The following CHRM3 variants were observed in gnomAD, a reference collection of about 807,000 sequenced individuals.
The protein encoded by CHRM3 is cholinergic receptor muscarinic 3, also known as muscarinic acetylcholine receptor M3.
A neutral mutation model predicts 41.8 loss-of-function variants in CHRM3; 11 were observed. The ratio of observed to expected loss-of-function variants is 0.26; its 90% CI spans 0.17 to 0.44. The LOEUF (loss-of-function observed/expected upper bound fraction) is 0.44. Among genes scored for constraint, CHRM3 ranks in the 20% least tolerant of loss-of-function variants. The pLI, the probability that CHRM3 is intolerant of heterozygous loss-of-function variation, is 1.00. For missense variants in CHRM3, 571 were observed against 745.4 expected, an observed-to-expected ratio of 0.77 and a Z score of 2.72; for synonymous variants, 297 against 301.4, an observed-to-expected ratio of 0.99 and a Z score of 0.15.
chr1:239,561,764 A>G (rs1660886021), intron 3 of CHRM3, among the ~76,000 whole-genome samples: 1 of 152,166 alleles, frequency 6.6e-6, no homozygotes, highest in African/African-American at 2.4e-5. Flanking sequence ...AAAAGTAGAG[A>G]AAATACCTGG....
chr1:239,548,932 T>C (rs1659543899), intron 3 of CHRM3, among the ~76,000 whole-genome samples: 1 of 152,226 alleles, frequency 6.6e-6, no homozygotes, highest in Admixed American at 6.5e-5. Flanking sequence ...AAGACATACC[T>C]GAGACTGGGC....
intron 5 of CHRM3, among the ~76,000 whole-genome samples, chr1:239,781,065 T>A (rs1363894045): frequency 6.6e-6 from 1 of 152,202 alleles, no homozygotes; most frequent in Non-Finnish European, 1.5e-5. Flanking sequence ...TTGTTGTCCT[T>A]TAATATTGTA....
chr1:239,850,203 C>A (rs974222975), intron 6 of CHRM3, among the ~76,000 whole-genome samples: 1 of 151,858 alleles, frequency 6.6e-6, no homozygotes, highest in Non-Finnish European at 1.5e-5. Flanking sequence ...ATTCTTACAA[C>A]AAAGTAAGCT....
chr1:239,908,471 T>C lies in CHRM3; in HGVS notation c.1020T>C (p.Asn340=). 6.2e-7 allele frequency: 1 copy of C among 1,611,640 alleles called. No individual in the cohort carries two copies. The highest frequency in any genetic ancestry group is 8.5e-7 in the Non-Finnish European group (1 of 1,178,782). The stretch of plus-strand genomic sequence containing the variant: ...GCAGCAGTGACAGTTGGAACAACAA[T>C]GATGCTGCTGCCTCCCTGGAGAACT... The part of the protein sequence containing the change: ...DHSSSDSWNN[N]DAAASLENSA... Residue 340 remains asparagine (N), a synonymous_variant, in exon 7 of 7, where the codon AAT becomes AAC. Coordinates refer to ENST00000676153, the MANE Select transcript of CHRM3 (RefSeq NM_001375978.1). This position sits in a 1 kb window ranked among gnomAD's most constrained non-coding sequence, Gnocchi z 7.2.
At chr1:239,817,959 G>C (rs1671732153) in intron 5 of CHRM3, among the ~76,000 whole-genome samples, 1 of 152,114 alleles carries the variant, frequency 6.6e-6, no homozygotes, top group African/African-American at 2.4e-5. Context: ...TTACCCACAG[G>C]CTTTGAGAAT....
intron 6 of CHRM3, among the ~76,000 whole-genome samples, chr1:239,862,967 A>G (rs572326760): frequency 6.6e-6 from 1 of 152,210 alleles, no homozygotes; most frequent in African/African-American, 2.4e-5. Context: ...TAACCTTTGT[A>G]TCATTAATGT....
At position 239,396,158 on chromosome 1, in the gene CHRM3, A is replaced by T. The variant is rs111994300; in HGVS notation, c.-521+8931A>T. 7.6e-3 allele frequency among the ~76,000 whole-genome samples: 1,160 copies of T among 152,282 alleles called. 11 individuals carry two copies. Among genetic ancestry groups the T allele is most frequent in the African/African-American group, 0.027 (1,120 of 41,556 alleles). ...ATTCATCTTCTGTTACTCTATCAGA[A>T]TCTCACTTTTATCCCTGATTACATT... On this transcript the variant is annotated intron_variant, in intron 1 of 6. Transcript: ENST00000676153.
At chr1:239,645,510 A>C (rs1671668792) in intron 4 of CHRM3, among the ~76,000 whole-genome samples, 1 of 152,238 alleles carries the variant, frequency 6.6e-6, no homozygotes, top group South Asian at 2.1e-4. Flanking sequence ...GTGGACTAAA[A>C]GAAAAGAAAA....
intron 6 of CHRM3, among the ~76,000 whole-genome samples, chr1:239,895,452 A>G (rs1197727442): frequency 6.6e-6 from 1 of 152,176 alleles, no homozygotes; most frequent in East Asian, 1.9e-4. Context: ...CCCTTCTGTT[A>G]CTGGTTCTCC....
chr1:239,570,234 T>C (rs1234601763), intron 3 of CHRM3, among the ~76,000 whole-genome samples: 1 of 152,162 alleles, frequency 6.6e-6, no homozygotes, highest in African/African-American at 2.4e-5. Context: ...CAGTTTCCCC[T>C]GGGCTTTTCT....
chr1:239,875,732 C>A (rs761503327), intron 6 of CHRM3, among the ~76,000 whole-genome samples: 2 of 152,124 alleles, frequency 1.3e-5, no homozygotes, highest in Non-Finnish European at 2.9e-5. Flanking sequence ...TACTGGTGTT[C>A]GATTTAGCAT....
chr1:239,795,357 C>T (rs1204216380), intron 5 of CHRM3, among the ~76,000 whole-genome samples: 1 of 152,152 alleles, frequency 6.6e-6, no homozygotes, highest in Non-Finnish European at 1.5e-5. Flanking sequence ...AAAATGTAAG[C>T]CTCTGACTAA....
chr1:239,686,074 ACT>A (rs10595175), intron 5 of CHRM3, among the ~76,000 whole-genome samples: 14,429 of 152,014 alleles, frequency 0.095, 1,622 homozygotes, highest in African/African-American at 0.27. Context: ...CAACTGAATG[ACT>A]CTAATATGCT....
chr1:239,804,343 T>G (rs1245886733), intron 5 of CHRM3, among the ~76,000 whole-genome samples: 2 of 10,932 alleles, frequency 1.8e-4, no homozygotes, highest in East Asian at 7.4e-3. Context: ...ATTCATTGTG[T>G]TTTTTTTTTA....
intron 3 of CHRM3, among the ~76,000 whole-genome samples, chr1:239,591,380 GCA>G (rs1360784945): frequency 6.6e-6 from 1 of 152,004 alleles, no homozygotes; most frequent in African/African-American, 2.4e-5. Context: ...ACATTTCCTG[GCA>G]CAGAGACAGG....
intron 4 of CHRM3, among the ~76,000 whole-genome samples, chr1:239,642,952 G>A (rs889831788): frequency 6.6e-6 from 1 of 152,148 alleles, no homozygotes; most frequent in African/African-American, 2.4e-5. Flanking sequence ...TGGTGTGGAT[G>A]TCCTTTCTGT....
intron 1 of CHRM3, among the ~76,000 whole-genome samples, chr1:239,453,021 G>C (rs949632119): frequency 1.4e-4 from 22 of 152,124 alleles, no homozygotes; most frequent in Admixed American, 1.1e-3. Flanking sequence ...AGGATGGTCT[G>C]GATCTCCTGA....
intron 4 of CHRM3, among the ~76,000 whole-genome samples, chr1:239,634,055 G>C (rs1228031159): frequency 6.6e-6 from 1 of 152,138 alleles, no homozygotes; most frequent in East Asian, 1.9e-4. Context: ...ACTTTGTCCT[G>C]TGAACTTTGT....
chr1:239,693,427 G>A (rs1659895774), intron 5 of CHRM3, among the ~76,000 whole-genome samples: 1 of 152,156 alleles, frequency 6.6e-6, no homozygotes. Flanking sequence ...CCAAGGAAGA[G>A]AGCCCTAACC....
Sources: allele counts gnomAD v4.1 joint callset (sites outside exome capture counted in the v4.1 genomes callset), GRCh38; gene constraint gnomAD v4.1.1; non-coding constraint Gnocchi (gnomAD v3.1); transcripts MANE v1.5; gene names NCBI Gene and HGNC (gene_info 2026-07-23, HGNC 2026-07-21).